Variants in MTBP observed in about 807,000 individuals in gnomAD.
MTBP encodes the protein MDM2 binding protein.
In MTBP, 101 loss-of-function variants were observed where a neutral mutation model predicts 117.0. The ratio of observed to expected loss-of-function variants is 0.86; its 90% CI spans 0.73 to 1.02. The LOEUF (loss-of-function observed/expected upper bound fraction) is 1.02, where lower values mean the gene tolerates loss of function less well. Among genes scored for constraint, MTBP ranks in the 50% least tolerant of loss-of-function variants. MTBP has a pLI of 0.00. For synonymous variants in MTBP, 350 were observed against 351.5 expected (o/e 1.00, Z 0.05); for missense variants, 970 against 1,030.9 (o/e 0.94, Z 0.81).
chr8:120,519,078 A>G (rs1814970319), intron 20 of MTBP, among the ~76,000 whole-genome samples: 1 of 151,632 alleles, frequency 6.6e-6, no homozygotes, highest in Non-Finnish European at 1.5e-5. Context: ...GCTTCATAAC[A>G]TGTTTAATTA....
At chr8:120,467,917 A>G (rs1179218924) in intron 10 of MTBP, among the ~76,000 whole-genome samples, 1 of 152,188 alleles carries the variant, frequency 6.6e-6, no homozygotes, top group Non-Finnish European at 1.5e-5. Context: ...CCACATTTAT[A>G]TTAGGTTATA....
At chr8:120,470,290 A>G (rs943781518) in intron 10 of MTBP, among the ~76,000 whole-genome samples, 3 of 152,242 alleles carry the variant, frequency 2.0e-5, no homozygotes, top group Non-Finnish European at 4.4e-5. Flanking sequence ...GTTTTCTAGC[A>G]TATAATTCAT....
chr8:120,457,751 C>T lies in MTBP; in HGVS notation c.747+1081C>T, dbSNP rs933715875. 2.9e-4 allele frequency among the ~76,000 whole-genome samples: 44 copies of T among 151,918 alleles called. 1 individual carries two copies. The highest frequency in any genetic ancestry group is 2.7e-4 in the African/African-American group (11 of 41,362). On this transcript the variant is annotated intron_variant, in intron 7 of 21. Coordinates refer to ENST00000305949, the MANE Select transcript of MTBP (RefSeq NM_022045.5). ...CATCCTGGCTAACACGGTAAAACCTCGTCTCTACTAAAAATGTAAAAAATT... is the reference window on the plus strand; with the variant it reads ...CATCCTGGCTAACACGGTAAAACCTTGTCTCTACTAAAAATGTAAAAAATT...
chr8:120,506,216 TG>T (rs1814682785), intron 15 of MTBP, among the ~76,000 whole-genome samples: 1 of 152,122 alleles, frequency 6.6e-6, no homozygotes, highest in African/African-American at 2.4e-5. Flanking sequence ...CAAGAGACTT[TG>T]GGGAGATTTC....
intron 10 of MTBP, among the ~76,000 whole-genome samples, 184 bp from the exon 11 acceptor site, chr8:120,470,636 G>C (rs1813797080): frequency 6.6e-6 from 1 of 152,096 alleles, no homozygotes. Flanking sequence ...CTTTTATTTT[G>C]TTTTGTTTTG....
intron 14 of MTBP, 52 bp from the exon 15 acceptor site, chr8:120,502,440 A>C: frequency 7.9e-7 from 1 of 1,269,928 alleles, no homozygotes; most frequent in Non-Finnish European, 1.1e-6. Flanking sequence ...TTTATTAGCA[A>C]AATTCAGTAT....
At chr8:120,516,240 G>T (rs1365398051) in intron 18 of MTBP, 49 bp downstream of exon 18, 2 of 1,420,390 alleles carry the variant, frequency 1.4e-6, no homozygotes, top group African/African-American at 2.9e-5. Context: ...AAGTATTTTA[G>T]TCTCGAGGAT....
chr8:120,522,540 C>A, intron 20 of MTBP, 114 bp from the exon 21 acceptor site: 2 of 691,326 alleles, frequency 2.9e-6, no homozygotes, highest in South Asian at 2.3e-5. Context: ...TGTCCCTAAT[C>A]ACATTAATAC....
intron 20 of MTBP, among the ~76,000 whole-genome samples, chr8:120,520,178 G>A (rs1814989636): frequency 6.6e-6 from 1 of 152,068 alleles, no homozygotes; most frequent in Admixed American, 6.6e-5. Flanking sequence ...TGAAGAAGCA[G>A]GAAGTTGAAG....
intron 11 of MTBP, among the ~76,000 whole-genome samples, chr8:120,478,864 A>C (rs1814006093): frequency 6.6e-6 from 1 of 152,172 alleles, no homozygotes; most frequent in Admixed American, 6.6e-5. Context: ...AATACTATGC[A>C]GCCATAAAAA....
intron 6 of MTBP, 73 bp downstream of exon 6, chr8:120,455,652 C>A: frequency 7.1e-7 from 1 of 1,417,084 alleles, no homozygotes; most frequent in Non-Finnish European, 9.7e-7. Context: ...ATTCTCTTTT[C>A]AGACTCAGCG....
intron 10 of MTBP, 21 bp downstream of exon 10, chr8:120,463,782 G>GT (rs999994447): frequency 3.1e-6 from 5 of 1,602,892 alleles, no homozygotes; most frequent in East Asian, 4.5e-5. Context: ...TTTCTTGGGG[G>GT]TTTTTTGTTT....
At chr8:120,479,992 G>A (rs542334593) in intron 11 of MTBP, among the ~76,000 whole-genome samples, 19 of 152,138 alleles carry the variant, frequency 1.2e-4, no homozygotes, top group African/African-American at 4.6e-4. Flanking sequence ...ATTGAAGAAT[G>A]TCTACCAAAA....
chr8:120,516,070 G>A lies in MTBP; in HGVS notation c.2125G>A (p.Val709Ile). 1 of 1,613,060 alleles carries A rather than the reference G, an allele frequency of 6.2e-7. No homozygotes were observed. The highest frequency in any genetic ancestry group is 8.5e-7 in the Non-Finnish European group (1 of 1,179,288). Residue 709 changes from valine to isoleucine, a missense_variant, in exon 18 of 22, where the codon GTA (valine) becomes ATA (isoleucine). Transcript: ENST00000305949. ...PTVLSPLPSP[V>I]VSSDPGSVPD... The stretch of plus-strand genomic sequence containing the variant: ...TGTGTTGAGCCCTCTTCCATCTCCT[G>A]TAGTTTCGTCAGATCCTGGAAGTGT...
In MTBP at chr8:120,510,017, AT is replaced by A. The variant is rs1563804777; in HGVS notation, c.1968del (p.His657MetfsTer46). On this transcript the variant is annotated frameshift_variant, in exon 17 of 22. Transcript: ENST00000305949. LOFTEE classifies it high-confidence loss of function. ...TTTGAGAAAGCCTCAGTATGTCATT[AT>A]CATGGAATTGAGTAAGTTTTTATTT... ...LPFEKASVCH[Y>X]HGIEYCLDDR... 4 of 1,609,012 alleles carry A rather than the reference AT, an allele frequency of 2.5e-6. No homozygotes were observed. In the African/African-American group the frequency reaches 5.3e-5, roughly 22 times the overall value.
chr8:120,466,211 CTT>C (rs33994178), intron 10 of MTBP, among the ~76,000 whole-genome samples: 40,911 of 127,670 alleles, frequency 0.32, 6,887 homozygotes, highest in East Asian at 0.57. Flanking sequence ...GTTTTTTACT[CTT>C]TTTTTTTTTT....
At chr8:120,456,238 G>A (rs1352844699) in intron 6 of MTBP, among the ~76,000 whole-genome samples, 1 of 152,106 alleles carries the variant, frequency 6.6e-6, no homozygotes, top group Non-Finnish European at 1.5e-5. Context: ...TCTTTTTGAA[G>A]ATAAGGAAGT....
chr8:120,459,101 A>G lies in MTBP; in HGVS notation c.748-114A>G, dbSNP rs1045798428. ...AAGCACACTTTTGAGCTGAGGAATC[A>G]AAAATAAATTTATACATGGATTTCC... On this transcript the variant is annotated intron_variant, in intron 7 of 21. Coordinates refer to ENST00000305949, the MANE Select transcript of MTBP (RefSeq NM_022045.5). 5.5e-6 allele frequency: 5 copies of G among 910,570 alleles called. No individual in the cohort carries two copies. In the African/African-American group the frequency reaches 7.0e-5, roughly 13 times the overall value. 56.4% of individuals were successfully genotyped at this position (910,570 alleles called of 1,614,324 possible). A position where few individuals can be genotyped will look rare whatever the true frequency, so the allele number is the denominator to read the frequency against.
chr8:120,481,095 T>G (rs2130567428), intron 11 of MTBP, among the ~76,000 whole-genome samples: 1 of 152,330 alleles, frequency 6.6e-6, no homozygotes, highest in Non-Finnish European at 1.5e-5. Context: ...CCCAACATCA[T>G]TAGTCTCTTG....
Sources: gnomAD v4.1 joint callset for allele counts (sites outside exome capture counted in the v4.1 genomes callset) on GRCh38, gnomAD v4.1.1 for gene constraint, MANE v1.5 for transcripts, NCBI Gene and HGNC (gene_info 2026-07-23, HGNC 2026-07-21) for gene names.